Variants in TANGO2 observed in about 807,000 individuals in gnomAD.
The protein encoded by TANGO2 is transport and golgi organization 2 homolog.
In TANGO2, 26 loss-of-function variants were observed where a neutral mutation model predicts 39.1. The ratio of observed to expected loss-of-function variants is 0.67; its 90% CI spans 0.49 to 0.92. The LOEUF is 0.92. Ranked by LOEUF, TANGO2 falls within the 40% of genes least tolerant of loss-of-function variation. TANGO2 has a pLI of 0.00. For synonymous variants in TANGO2, 131 were observed against 144.5 expected (o/e 0.91, Z 0.67); for missense variants, 326 against 360.1 (o/e 0.91, Z 0.77).
chr22:20,060,722 G>A (rs1490293291), intron 6 of TANGO2, among the ~76,000 whole-genome samples: 1 of 152,084 alleles, frequency 6.6e-6, no homozygotes, highest in Non-Finnish European at 1.5e-5. Context: ...GAGCCAGGCT[G>A]TCTCCCTGGG....
At chr22:20,042,690 G>A (rs1189976749) in intron 2 of TANGO2, among the ~76,000 whole-genome samples, 1 of 152,104 alleles carries the variant, frequency 6.6e-6, no homozygotes, top group Non-Finnish European at 1.5e-5. Flanking sequence ...GCTTGAACCC[G>A]GGAGGCGGGA....
intron 2 of TANGO2, among the ~76,000 whole-genome samples, chr22:20,041,176 T>G (rs1241922471): frequency 6.6e-6 from 1 of 152,238 alleles, no homozygotes; most frequent in Non-Finnish European, 1.5e-5. Flanking sequence ...AAATGGAGTT[T>G]CGTTCTGTCG....
At chr22:20,045,018 A>G (rs1242336330) in intron 3 of TANGO2, among the ~76,000 whole-genome samples, 1 of 152,178 alleles carries the variant, frequency 6.6e-6, no homozygotes, top group Non-Finnish European at 1.5e-5. Context: ...CGGGGTGACC[A>G]TATCACTAAG....
chr22:20,030,495 C>T (rs1018426105), intron 1 of TANGO2, among the ~76,000 whole-genome samples: 10 of 152,090 alleles, frequency 6.6e-5, no homozygotes, highest in African/African-American at 2.2e-4. Context: ...TACAGGCGCC[C>T]GCCACCACGC....
At chr22:20,044,671 A>G (rs374262818) in intron 3 of TANGO2, among the ~76,000 whole-genome samples, 7 of 152,166 alleles carry the variant, frequency 4.6e-5, no homozygotes, top group Non-Finnish European at 7.4e-5. Context: ...GGACGGGTGC[A>G]TGGAGACTGA....
chr22:20,031,967 C>G (rs572098118), intron 1 of TANGO2, among the ~76,000 whole-genome samples: 1 of 152,232 alleles, frequency 6.6e-6, no homozygotes, highest in Admixed American at 6.5e-5. Context: ...TTCTTCACCT[C>G]TAGCCCAACC....
At chr22:20,039,108 T>G (rs945715590) in intron 2 of TANGO2, among the ~76,000 whole-genome samples, 1 of 150,988 alleles carries the variant, frequency 6.6e-6, no homozygotes, top group Non-Finnish European at 1.5e-5. Flanking sequence ...TAATTTTTTT[T>G]TTTTTGGTAG....
intron 1 of TANGO2, among the ~76,000 whole-genome samples, chr22:20,034,997 C>T (rs762955999): frequency 3.9e-5 from 6 of 152,248 alleles, no homozygotes; most frequent in Non-Finnish European, 7.3e-5. Flanking sequence ...TGCCCACCCT[C>T]GGATGATGGC....
In TANGO2 at chr22:20,027,024, A is replaced by G. The variant is rs182587869; in HGVS notation, c.-40+5778A>G. ...ATTGGCTCTCGGTTCTGCAAGGTGC[A>G]CAGGAAGCATGATCCTGGCATTTGC... is the stretch of plus-strand genomic sequence containing the variant. On this transcript the variant is annotated intron_variant, in intron 1 of 8. Coordinates refer to ENST00000327374, the MANE Select transcript of TANGO2 (RefSeq NM_152906.7). 1.4e-3 allele frequency among the ~76,000 whole-genome samples: 216 copies of G among 152,334 alleles called. 1 individual carries two copies. The highest frequency in any genetic ancestry group is 5.0e-3 in the African/African-American group (207 of 41,578).
intron 2 of TANGO2, among the ~76,000 whole-genome samples, chr22:20,038,373 CTG>C (rs2043252445): frequency 1.3e-5 from 2 of 152,206 alleles, no homozygotes; most frequent in Non-Finnish European, 2.9e-5. Flanking sequence ...CCAGCCAGCT[CTG>C]TATGCGTTTC....
Position 20,045,038 on chromosome 22 carries a change from C to T in TANGO2, c.145+1595C>T, listed in dbSNP as rs142189614. Among the ~76,000 whole-genome samples, 661 of 152,260 alleles carry T rather than the reference C, an allele frequency of 4.3e-3. 1 individual carries two copies. Among genetic ancestry groups the T allele is most frequent in the Non-Finnish European group, 6.9e-3 (467 of 68,008 alleles). ...TGACCATATCACTAAGGCCCACATC[C>T]TCTCACTCTCTGGCGTCACCGGATT... is the stretch of plus-strand genomic sequence containing the variant. On this transcript the variant is annotated intron_variant, in intron 3 of 8. Coordinates refer to ENST00000327374, the MANE Select transcript of TANGO2 (RefSeq NM_152906.7).
intron 8 of TANGO2, among the ~76,000 whole-genome samples, chr22:20,063,854 A>T (rs1450389595): frequency 6.6e-6 from 1 of 152,170 alleles, no homozygotes; most frequent in Non-Finnish European, 1.5e-5. Flanking sequence ...CCTCTGTCAT[A>T]GGCTCATCTT....
At chr22:20,038,775 C>T (rs1008864868) in intron 2 of TANGO2, among the ~76,000 whole-genome samples, 6 of 152,022 alleles carry the variant, frequency 3.9e-5, no homozygotes, top group African/African-American at 4.8e-5. Flanking sequence ...GGGAAGGGCA[C>T]GCTGCAGGCT....
intron 8 of TANGO2, 79 bp from the exon 9 acceptor site, chr22:20,064,463 T>A: frequency 4.4e-6 from 7 of 1,576,914 alleles, no homozygotes; most frequent in Middle Eastern, 1.7e-4. Flanking sequence ...CTGCCTGCAT[T>A]CTTGCCCTAT....
At chr22:20,050,774 C>G (rs114758499) in intron 3 of TANGO2, among the ~76,000 whole-genome samples, 2 of 149,884 alleles carry the variant, frequency 1.3e-5, no homozygotes, top group African/African-American at 4.9e-5. Flanking sequence ...TCTAATACAT[C>G]GGTTTTGGTA....
intron 1 of TANGO2, among the ~76,000 whole-genome samples, chr22:20,030,150 C>CT (rs66601369): frequency 0.4 from 48,921 of 123,604 alleles, 9,404 homozygotes; most frequent in African/African-American, 0.46. Context: ...TAAGCAGTTG[C>CT]TTTTTTTTTT....
rs924847938 is a variant in TANGO2, at chr22:20,064,611, G to A, written c.780G>A (p.Lys260=). Residue 260 remains lysine, a synonymous_variant, in exon 9 of 9, where the codon AAG becomes AAA. Coordinates refer to ENST00000327374, the MANE Select transcript of TANGO2 (RefSeq NM_152906.7). ...VTFTERSMMD[K]DLSHWETRTY... ...TCACTGAGCGTAGCATGATGGACAA[G>A]GACCTCTCCCACTGGGAGACCAGAA... 1 of 1,614,072 alleles carries A rather than the reference G, an allele frequency of 6.2e-7. No individual in the cohort carries two copies. Among genetic ancestry groups the A allele is most frequent in the African/African-American group, 1.3e-5 (1 of 74,940 alleles).
intron 2 of TANGO2, chr22:20,037,213 G>A: frequency 8.5e-7 from 1 of 1,181,720 alleles, no homozygotes; most frequent in South Asian, 1.6e-5. Context: ...GGGCTGGCGG[G>A]TCACAGCTGC....
chr22:20,046,247 G>A (rs1253635322), intron 3 of TANGO2, among the ~76,000 whole-genome samples: 1 of 152,024 alleles, frequency 6.6e-6, no homozygotes, highest in Non-Finnish European at 1.5e-5. Context: ...CTGGCCTCAA[G>A]TGATCCTCCC....
Sources: gnomAD v4.1 joint callset for allele counts (sites outside exome capture counted in the v4.1 genomes callset) on GRCh38, gnomAD v4.1.1 for gene constraint, MANE v1.5 for transcripts, NCBI Gene and HGNC (gene_info 2026-07-23, HGNC 2026-07-21) for gene names.